TMTC2: variants seen among roughly 807,000 people sequenced by gnomAD.
TMTC2 encodes the protein protein O-mannosyl-transferase TMTC2.
In TMTC2, 43 loss-of-function variants were observed where a neutral mutation model predicts 82.4. The ratio of observed to expected loss-of-function variants is 0.52; its 90% CI spans 0.41 to 0.67. The LOEUF is 0.67. TMTC2 is among the 30% of genes least tolerant of loss of function. The pLI, the probability that TMTC2 is intolerant of heterozygous loss-of-function variation, is 0.00. For synonymous variants in TMTC2, 408 were observed against 381.9 expected (o/e 1.07, Z -0.80); for missense variants, 919 against 1,012.4 (o/e 0.91, Z 1.25).
chr12:82,912,824 G>T (rs1463315721), intron 3 of TMTC2, among the ~76,000 whole-genome samples: 2 of 151,764 alleles, frequency 1.3e-5, no homozygotes, highest in Non-Finnish European at 2.9e-5. Context: ...TGTAGTTGCA[G>T]CTACTTGGGG....
At position 82,763,420 on chromosome 12, in the gene TMTC2, G is replaced by C. The variant is rs559076675; in HGVS notation, c.83+75751G>C. On this transcript the variant is annotated intron_variant, in intron 1 of 11. Transcript: ENST00000321196. Reference sequence around the variant, plus strand: ...ACCCAAGTGGGGAGAGTGCTATCCAGGACTGTCCACTTAAAACCAACCACC... The same window carrying C: ...ACCCAAGTGGGGAGAGTGCTATCCACGACTGTCCACTTAAAACCAACCACC... Among the ~76,000 whole-genome samples, 9 of 152,310 alleles carry C rather than the reference G, an allele frequency of 5.9e-5. 1 individual carries two copies. The South Asian group carries it at 1.9e-3, about 32-fold the overall frequency.
chr12:83,114,168 T>C (rs1884684164), intron 11 of TMTC2, among the ~76,000 whole-genome samples: 1 of 152,036 alleles, frequency 6.6e-6, no homozygotes, highest in Non-Finnish European at 1.5e-5. Context: ...TAATCCCTAA[T>C]GTGATGGTAT....
At chr12:82,985,689 A>G (rs918878218) in intron 7 of TMTC2, among the ~76,000 whole-genome samples, 4 of 152,220 alleles carry the variant, frequency 2.6e-5, no homozygotes, top group Non-Finnish European at 4.4e-5. Context: ...AAGCTTTACT[A>G]CTTATTAAAT....
chr12:82,775,258 G>A (rs755896023), intron 1 of TMTC2, among the ~76,000 whole-genome samples: 23 of 151,912 alleles, frequency 1.5e-4, no homozygotes, highest in Non-Finnish European at 3.4e-4. Flanking sequence ...AGACCGGCCT[G>A]GACAACACAG....
chr12:82,817,246 G>A (rs1010677223), intron 1 of TMTC2, among the ~76,000 whole-genome samples: 2 of 152,148 alleles, frequency 1.3e-5, no homozygotes, highest in Non-Finnish European at 2.9e-5. Context: ...TGGGATTACA[G>A]GCATGAGCCA....
intron 1 of TMTC2, among the ~76,000 whole-genome samples, chr12:82,720,904 G>C (rs1874177742): frequency 6.6e-6 from 1 of 152,164 alleles, no homozygotes; most frequent in Admixed American, 6.5e-5. Flanking sequence ...CCAATGGCCT[G>C]GTTGAAAAAA....
chr12:82,701,743 G>A (rs1210174095), intron 1 of TMTC2, among the ~76,000 whole-genome samples: 3 of 144,380 alleles, frequency 2.1e-5, no homozygotes, highest in Admixed American at 1.4e-4. Context: ...CCTGGGCAAC[G>A]AGCAAAACTC....
chr12:83,131,518 TAGAA>T (rs1304531628), intron 11 of TMTC2, among the ~76,000 whole-genome samples: 9 of 152,214 alleles, frequency 5.9e-5, no homozygotes, highest in Non-Finnish European at 8.8e-5. Context: ...AAATTTTTCT[TAGAA>T]AGGTTTCATT....
intron 7 of TMTC2, among the ~76,000 whole-genome samples, chr12:82,985,706 C>T (rs35407271): frequency 0.017 from 2,624 of 152,230 alleles, 38 homozygotes; most frequent in Non-Finnish European, 0.028. Context: ...AAATTTTTTA[C>T]TTGAGCCATT....
intron 11 of TMTC2, among the ~76,000 whole-genome samples, chr12:83,114,351 T>A (rs79231463): frequency 0.036 from 5,517 of 152,100 alleles, 165 homozygotes; most frequent in Non-Finnish European, 0.054. Flanking sequence ...AGGAAGAAGA[T>A]CCTCACCAAG....
intron 11 of TMTC2, among the ~76,000 whole-genome samples, chr12:83,099,114 A>G (rs1047358369): frequency 5.3e-5 from 8 of 152,214 alleles, no homozygotes; most frequent in African/African-American, 1.9e-4. Context: ...CTGAATGCCA[A>G]TATTCTATAA....
intron 1 of TMTC2, among the ~76,000 whole-genome samples, chr12:82,710,471 G>T (rs892328732): frequency 1.3e-5 from 2 of 152,174 alleles, no homozygotes; most frequent in African/African-American, 4.8e-5. Context: ...AACAGGCATA[G>T]GGTGCTGTCT....
intron 11 of TMTC2, among the ~76,000 whole-genome samples, chr12:83,078,538 G>C (rs1037212832): frequency 2.0e-5 from 3 of 152,118 alleles, no homozygotes; most frequent in African/African-American, 4.8e-5. Context: ...CGTATAAACA[G>C]CTATTATTTT....
At chr12:83,075,293 G>A (rs950220509) in intron 11 of TMTC2, among the ~76,000 whole-genome samples, 1 of 152,144 alleles carries the variant, frequency 6.6e-6, no homozygotes, top group Admixed American at 6.5e-5. Flanking sequence ...CAGGATTGCT[G>A]GATTGTTCTT....
At position 82,985,965 on chromosome 12, in the gene TMTC2, G is replaced by A. The variant is rs144737953; in HGVS notation, c.1989G>A (p.Glu663=). The change falls in exon 8 of 12, where the codon GAG becomes GAA. Residue 663 remains glutamate, a synonymous_variant. Coordinates refer to ENST00000321196, the MANE Select transcript of TMTC2 (RefSeq NM_152588.3). ...YMRLSKLPEA[E]HWYMESLRSK... is the part of the protein sequence containing the mutation. ...GTTTAAGCAAACTCCCCGAAGCAGA[G>A]CATTGGTATATGGAATCACTGAGAT... 5 of 1,614,004 alleles carry A rather than the reference G, an allele frequency of 3.1e-6. No individual in the cohort carries two copies. The African/African-American group carries it at 5.3e-5, about 17-fold the overall frequency.
chr12:82,997,221 C>CTCTCTCTCTATATA (rs1451262969), intron 8 of TMTC2, among the ~76,000 whole-genome samples: 161 of 118,546 alleles, frequency 1.4e-3, no homozygotes, highest in African/African-American at 5.7e-3. Context: ...CTCTCTCTCT[C>CTCTCTCTCTATATA]TATATATATA....
In TMTC2 at chr12:83,047,308, T is replaced by C. The variant is rs79831452; in HGVS notation, c.2153-3596T>C. Among the ~76,000 whole-genome samples, 231 of 152,266 alleles carry C rather than the reference T, an allele frequency of 1.5e-3. 1 individual carries two copies. The highest frequency in any genetic ancestry group is 6.8e-3 in the Middle Eastern group (2 of 294). On this transcript the variant is annotated intron_variant, in intron 9 of 11. Transcript: ENST00000321196. ...TGCCCCAATAACATATCACTTTAGG[T>C]TCTTTGAGTAGTTCTTAGGAAGAAA...
chr12:82,891,293 A>T (rs1873381003), intron 2 of TMTC2, among the ~76,000 whole-genome samples: 1 of 152,200 alleles, frequency 6.6e-6, no homozygotes, highest in Non-Finnish European at 1.5e-5. Context: ...TTGTTTTTTT[A>T]TCAGAAGCTC....
At chr12:82,994,692 C>A (rs1183673820) in intron 8 of TMTC2, among the ~76,000 whole-genome samples, 1 of 150,846 alleles carries the variant, frequency 6.6e-6, no homozygotes, top group South Asian at 2.1e-4. Context: ...TTTTGTTGAG[C>A]CTGAACTTTG....
Sources: allele counts gnomAD v4.1 joint callset (sites outside exome capture counted in the v4.1 genomes callset), GRCh38; gene constraint gnomAD v4.1.1; transcripts MANE v1.5; gene names NCBI Gene and HGNC (gene_info 2026-07-23, HGNC 2026-07-21).